Variants in PLEKHD1 observed in about 807,000 individuals in gnomAD.
PLEKHD1 encodes the protein pleckstrin homology and coiled-coil domain containing D1.
PLEKHD1 carries 51 observed loss-of-function variants against 69.2 expected under a neutral mutation model. The ratio of observed to expected loss-of-function variants is 0.74; its 90% CI spans 0.59 to 0.93. The LOEUF (loss-of-function observed/expected upper bound fraction) is 0.93. Among genes scored for constraint, PLEKHD1 ranks in the 40% least tolerant of loss-of-function variants. The pLI is 0.00. For missense variants in PLEKHD1, 584 were observed against 641.0 expected, an observed-to-expected ratio of 0.91 and a Z score of 0.96; for synonymous variants, 236 against 244.7, an observed-to-expected ratio of 0.96 and a Z score of 0.33.
intron 12 of PLEKHD1, 113 bp from the exon 13 acceptor site, chr14:69,528,137 G>C: frequency 7.0e-7 from 1 of 1,432,610 alleles, no homozygotes; most frequent in Non-Finnish European, 9.4e-7. Flanking sequence ...GAAGGGGCTG[G>C]AAGAAGCTTG....
chr14:69,469,185 G>T, the PLEKHD1 span, among the ~76,000 whole-genome samples: 1 of 152,126 alleles, frequency 6.6e-6, no homozygotes, highest in South Asian at 2.1e-4. Context: ...TACACAGAGA[G>T]AGAGAGAGAG....
At position 69,485,128 on chromosome 14, in the gene PLEKHD1, C is replaced by G. The variant is rs1299462647; in HGVS notation, c.149+14C>G. On this transcript the variant is annotated intron_variant, in intron 1 of 12. Coordinates refer to ENST00000322564, the MANE Select transcript of PLEKHD1 (RefSeq NM_001161498.2). ...GTGGTCCCGGCGGTGAGTGCGCCCC[C>G]GCGCCCCAAGGAGACCGCCGGGGAG... The G allele has an allele frequency of 3.9e-6, 6 of 1,547,184 alleles. No individual in the cohort carries two copies. The highest frequency in any genetic ancestry group is 5.2e-6 in the Non-Finnish European group (6 of 1,145,008).
chr14:69,527,931 C>G lies in PLEKHD1; in HGVS notation c.1350C>G (p.Asp450Glu). Residue 450 changes from aspartate to glutamate, a missense_variant and splice_region_variant, in exon 12 of 13, where the codon GAC becomes GAG. Asp to Glu is a conservative substitution (Grantham distance 45, BLOSUM62 2). Coordinates refer to ENST00000322564, the MANE Select transcript of PLEKHD1 (RefSeq NM_001161498.2). The stretch of plus-strand genomic sequence containing the variant: ...GCCGGTCCAGCACCTCCTGGAATGA[C>G]AGTGAGTGTGGCTGTCTGCGTGCCC... ...HRRRSSTSWN[D>E]MKPSQSFMTS... 1 of 1,551,472 alleles carries G rather than the reference C, an allele frequency of 6.4e-7. No homozygotes were observed. Among genetic ancestry groups the G allele is most frequent in the East Asian group, 2.4e-5 (1 of 40,922 alleles).
chr14:69,522,463 A>G, intron 7 of PLEKHD1, 86 bp downstream of exon 7: 1 of 1,338,074 alleles, frequency 7.5e-7, no homozygotes, highest in Non-Finnish European at 1.0e-6. Context: ...GGAGGCCTCC[A>G]CCTCAGAGAT....
chr14:69,500,159 G>A lies in PLEKHD1; in HGVS notation c.194G>A (p.Ser65Asn). 6.4e-7 allele frequency: 1 copy of A among 1,550,874 alleles called. No individual in the cohort carries two copies. Among genetic ancestry groups the A allele is most frequent in the South Asian group, 1.2e-5 (1 of 84,026 alleles). ...KESFLLYYSE[S>N]EKKSFETNKY... ...AGCTTTCTGCTTTACTACTCTGAGAGCGAAAAAAAGAGCTTTGAAACCAAT... is the reference window on the plus strand; with the variant it reads ...AGCTTTCTGCTTTACTACTCTGAGAACGAAAAAAAGAGCTTTGAAACCAAT... Residue 65 changes from serine to asparagine, a missense_variant, in exon 2 of 13, where the codon AGC (serine) becomes AAC (asparagine). By Grantham distance (46) the Ser-to-Asn change is conservative. Coordinates refer to ENST00000322564, the MANE Select transcript of PLEKHD1 (RefSeq NM_001161498.2).
the PLEKHD1 span, among the ~76,000 whole-genome samples, chr14:69,475,872 C>T: frequency 6.6e-6 from 1 of 152,160 alleles, no homozygotes; most frequent in South Asian, 2.1e-4. Flanking sequence ...CAGTCCTGCG[C>T]AGGTAGAGGA....
chr14:69,516,835 AT>A (rs1413131166), intron 6 of PLEKHD1, among the ~76,000 whole-genome samples: 80 of 151,996 alleles, frequency 5.3e-4, no homozygotes, highest in Non-Finnish European at 2.1e-4. Context: ...ATGTCCAGCT[AT>A]TTTTTTGTAT....
At position 69,500,899 on chromosome 14, in the gene PLEKHD1, A is replaced by T. The variant is rs1307501054; in HGVS notation, c.362A>T (p.Glu121Val). Residue 121 changes from glutamate to valine, a missense_variant, in exon 4 of 13, where the codon GAG (glutamate) becomes GTG (valine). Glu to Val is a moderately radical substitution (Grantham distance 121, BLOSUM62 -2). Transcript: ENST00000322564. ...AACATCTTGCTTGCTGCTGAGTCGG[A>T]GTTTGAGCAGACCCAGTGGCTGGAG... ...HGNILLAAESEFEQTQWLEML... is the reference protein window; with the variant it reads ...HGNILLAAESVFEQTQWLEML... 1 of 1,551,416 alleles carries T rather than the reference A, an allele frequency of 6.4e-7. No individual in the cohort carries two copies. The highest frequency in any genetic ancestry group is 8.7e-7 in the Non-Finnish European group (1 of 1,146,980).
intron 6 of PLEKHD1, among the ~76,000 whole-genome samples, chr14:69,504,811 C>T (rs1021105050): frequency 2.6e-5 from 4 of 152,230 alleles, no homozygotes; most frequent in Admixed American, 6.5e-5. Context: ...AGTTGGTCCT[C>T]TGTGTCTCCA....
intron 1 of PLEKHD1, among the ~76,000 whole-genome samples, chr14:69,490,695 G>A (rs1882759887): frequency 6.6e-6 from 1 of 152,174 alleles, no homozygotes; most frequent in South Asian, 2.1e-4. Context: ...GATGCCAGAT[G>A]AGAAGCACAG....
Position 69,527,352 on chromosome 14 carries a change from C to G in PLEKHD1, c.1201+20C>G. 6.4e-7 allele frequency: 1 copy of G among 1,551,222 alleles called. No homozygotes were observed. Among genetic ancestry groups the G allele is most frequent in the African/African-American group, 1.4e-5 (1 of 73,166 alleles). ...TGAAAAGTAAGCCCTGCCTCTAGGC[C>G]CTGGCCCCCAGCTTTGGCACTCAGC... On this transcript the variant is annotated intron_variant, in intron 11 of 12. Transcript: ENST00000322564.
intron 10 of PLEKHD1, 85 bp from the exon 11 acceptor site, chr14:69,527,103 G>T: frequency 7.0e-7 from 1 of 1,438,738 alleles, no homozygotes; most frequent in Non-Finnish European, 9.2e-7. Context: ...CATTGAGCCA[G>T]GGGTGACCAA....
At chr14:69,526,212 T>G in intron 9 of PLEKHD1, 90 bp downstream of exon 9, 1 of 1,354,330 alleles carries the variant, frequency 7.4e-7, no homozygotes, top group Non-Finnish European at 9.9e-7. Flanking sequence ...GGGTTCTACT[T>G]GGCACTGACC....
At chr14:69,471,603 A>T in the PLEKHD1 span, among the ~76,000 whole-genome samples, 1 of 152,132 alleles carries the variant, frequency 6.6e-6, no homozygotes. Flanking sequence ...TTGAATAGGG[A>T]TGGTTTTCTC....
chr14:69,501,051 GC>G, intron 4 of PLEKHD1, 104 bp downstream of exon 4: 1 of 1,229,964 alleles, frequency 8.1e-7, no homozygotes, highest in Non-Finnish European at 1.2e-6. Flanking sequence ...TGGGCACAGG[GC>G]CAGGGCTGTG....
intron 6 of PLEKHD1, among the ~76,000 whole-genome samples, chr14:69,519,627 G>A (rs571051998): frequency 2.3e-4 from 35 of 152,272 alleles, no homozygotes; most frequent in African/African-American, 8.4e-4. Flanking sequence ...CTTCTCAGAG[G>A]CATAGCTGGG....
intron 7 of PLEKHD1, 119 bp from the exon 8 acceptor site, chr14:69,524,110 A>G (rs894498766): frequency 8.8e-6 from 7 of 791,126 alleles, no homozygotes; most frequent in East Asian, 2.7e-5. Flanking sequence ...GGGGCTGGCC[A>G]TTCAAGAGCC....
rs1038644524 is a variant in PLEKHD1 at position 69,528,845 on chromosome 14, G to A, written c.*426G>A. ...TCTCTGGGACTCTGCTGCCCTGCCCGTGGTCCTCATGTAGAAAGGCCTTGC... is the reference window on the plus strand; with the variant it reads ...TCTCTGGGACTCTGCTGCCCTGCCCATGGTCCTCATGTAGAAAGGCCTTGC... On this transcript the variant is annotated 3_prime_UTR_variant, in exon 13 of 13. Transcript: ENST00000322564. The A allele has an allele frequency of 2.9e-5, 5 of 170,700 alleles. No homozygotes were observed. The highest frequency in any genetic ancestry group is 5.9e-5 in the Admixed American group (1 of 17,062). 10.6% of individuals were successfully genotyped at this position (170,700 alleles called of 1,614,324 possible).
chr14:69,482,543 T>TA (rs1157476914), upstream of PLEKHD1, among the ~76,000 whole-genome samples: 1 of 152,180 alleles, frequency 6.6e-6, no homozygotes, highest in Non-Finnish European at 1.5e-5. Context: ...TGTGCACTAC[T>TA]AGGAGCCCAC....
Sources: gnomAD v4.1 joint callset for allele counts (sites outside exome capture counted in the v4.1 genomes callset) on GRCh38, gnomAD v4.1.1 for gene constraint, MANE v1.5 for transcripts, NCBI Gene and HGNC (gene_info 2026-07-23, HGNC 2026-07-21) for gene names.